REL: variants seen among roughly 807,000 people sequenced by gnomAD.
The protein encoded by REL is REL proto-oncogene, NF-kB subunit.
Under a neutral mutation model 45.9 loss-of-function variants are expected in REL, and 15 were observed. The ratio of observed to expected loss-of-function variants is 0.33; its 90% CI spans 0.22 to 0.50. The LOEUF (loss-of-function observed/expected upper bound fraction) is 0.50, where lower values mean the gene tolerates loss of function less well. Ranked by LOEUF, REL falls within the 20% of genes least tolerant of loss-of-function variation. REL has a pLI of 0.98. For synonymous variants in REL, 239 were observed against 242.1 expected, an observed-to-expected ratio of 0.99 and a Z score of 0.12; for missense variants, 601 against 715.2, an observed-to-expected ratio of 0.84 and a Z score of 1.82.
intron 9 of REL, among the ~76,000 whole-genome samples, chr2:60,921,173 T>G (rs1413861529): frequency 6.6e-6 from 1 of 152,132 alleles, no homozygotes; most frequent in African/African-American, 2.4e-5. Flanking sequence ...TTCCCCCACG[T>G]ACATTCTTAA....
chr2:60,917,062 TG>T (rs897045519), intron 5 of REL, 45 bp downstream of exon 5: 1 of 1,501,258 alleles, frequency 6.7e-7, no homozygotes, highest in African/African-American at 1.4e-5. Flanking sequence ...ACTTGTTTTT[TG>T]TAATAGTTTA....
At chr2:60,911,994 CAAAAAAAAAAA>C (rs763342298) in intron 4 of REL, among the ~76,000 whole-genome samples, 7 of 37,320 alleles carry the variant, frequency 1.9e-4, no homozygotes, top group African/African-American at 3.4e-4. Flanking sequence ...AAGACTGTCT[CAAAAAAAAAAA>C]AAAAAAAAAA....
At chr2:60,895,999 T>G (rs533675479) in intron 3 of REL, among the ~76,000 whole-genome samples, 9 of 151,924 alleles carry the variant, frequency 5.9e-5, no homozygotes, top group Non-Finnish European at 1.0e-4. Flanking sequence ...AGGTTTTCTG[T>G]TTTTTGTTTT....
chr2:60,885,886 T>A (rs899006443), intron 1 of REL, among the ~76,000 whole-genome samples: 1 of 152,234 alleles, frequency 6.6e-6, no homozygotes, highest in African/African-American at 2.4e-5. Flanking sequence ...TTGTAAATTA[T>A]TTACTTTTTA....
rs1217881990 is a variant in REL, at chr2:60,916,900, A to G, written c.418A>G (p.Ile140Val). The G allele has an allele frequency of 6.2e-7, 1 of 1,613,134 alleles. No individual in the cohort carries two copies. The highest frequency in any genetic ancestry group is 2.2e-5 in the East Asian group (1 of 44,844). Residue 140 changes from isoleucine to valine, a missense_variant, in exon 5 of 10, where the codon ATT (isoleucine) becomes GTT (valine). Ile to Val is a conservative substitution (Grantham distance 29). This residue lies in a region of REL where 241 missense variants were observed against 347.0 expected (regional missense o/e 0.69). Coordinates refer to ENST00000394479, the MANE Select transcript of REL (RefSeq NM_001291746.2). Reference sequence around the variant, plus strand: ...AGTCCCTGAAAAACAGCTGAATGATATTGAAGATTGTGACCTCAATGTGGT... The same window carrying G: ...AGTCCCTGAAAAACAGCTGAATGATGTTGAAGATTGTGACCTCAATGTGGT... ...FNVPEKQLND[I>V]EDCDLNVVRL...
chr2:60,927,942 G>A lies in REL; in HGVS notation c.*5407G>A, dbSNP rs917953934. ...AATAACTGGGCTTCTCACAACCATA[G>A]TGAACAGAAACAGCTGGGTTGTCAA... On this transcript the variant is annotated 3_prime_UTR_variant, in exon 10 of 10. Transcript: ENST00000394479. 4.6e-6 allele frequency: 1 copy of A among 217,704 alleles called. No individual in the cohort carries two copies. Among genetic ancestry groups the A allele is most frequent in the Non-Finnish European group, 9.2e-6 (1 of 108,370 alleles). The allele number at this position is 217,704 out of a possible 1,614,324, so 13.5% of individuals were successfully genotyped here. A position where few individuals can be genotyped will look rare whatever the true frequency, so the allele number is the denominator to read the frequency against.
chr2:60,922,463 G>A lies in REL; in HGVS notation c.1692G>A (p.Gln564=), dbSNP rs1456636330. ...GTCATGGTTTTGTTCAAGATAGTCA[G>A]TATTCAGGTATTGGCAGTATGCAAA... ...PNSHGFVQDS[Q]YSGIGSMQNE... The change falls in exon 10 of 10, where the codon CAG becomes CAA. Residue 564 remains glutamine (Q), a synonymous_variant. Transcript: ENST00000394479. 2 of 1,613,736 alleles carry A rather than the reference G, an allele frequency of 1.2e-6. No individual in the cohort carries two copies. The highest frequency in any genetic ancestry group is 1.7e-6 in the Non-Finnish European group (2 of 1,179,954).
chr2:60,927,682 A>G lies in REL; in HGVS notation c.*5147A>G, dbSNP rs1470477252. On this transcript the variant is annotated 3_prime_UTR_variant, in exon 10 of 10. Coordinates refer to ENST00000394479, the MANE Select transcript of REL (RefSeq NM_001291746.2). The stretch of plus-strand genomic sequence containing the variant: ...GAAATTATACAGAGGTGAATAAGAC[A>G]AAAACTCTTGCTCTCAAAGATGTCA... The G allele has an allele frequency of 4.4e-6, 1 of 229,640 alleles. No individual in the cohort carries two copies. The highest frequency in any genetic ancestry group is 8.6e-6 in the Non-Finnish European group (1 of 115,840). The allele number at this position is 229,640 out of a possible 1,614,324, so 14.2% of individuals were successfully genotyped here. A position where few individuals can be genotyped will look rare whatever the true frequency, so the allele number is the denominator to read the frequency against.
At chr2:60,900,892 C>T (rs1673475981) in intron 3 of REL, 100 bp from the exon 4 acceptor site, 7 of 991,084 alleles carry the variant, frequency 7.1e-6, no homozygotes, top group Non-Finnish European at 1.1e-5. Flanking sequence ...TTGGTATGTA[C>T]AACTGACAGC....
chr2:60,905,971 T>G (rs760586658), intron 4 of REL, among the ~76,000 whole-genome samples: 51 of 152,094 alleles, frequency 3.4e-4, no homozygotes, highest in Admixed American at 5.9e-4. Context: ...CCTGAGACTG[T>G]GAAGAAAAAG....
At chr2:60,881,970 C>T (rs1672951378) in intron 1 of REL, 120 bp downstream of exon 1, 3 of 631,402 alleles carry the variant, frequency 4.8e-6, no homozygotes, top group Admixed American at 8.2e-5. Flanking sequence ...TTTAAAATCT[C>T]ATATGGTAAA....
At chr2:60,917,936 G>A (rs1156962981) in intron 5 of REL, among the ~76,000 whole-genome samples, 1 of 152,066 alleles carries the variant, frequency 6.6e-6, no homozygotes, top group Non-Finnish European at 1.5e-5. Flanking sequence ...GGATTGATTG[G>A]CGGAATCAGA....
At chr2:60,883,193 C>G (rs1672990699) in intron 1 of REL, among the ~76,000 whole-genome samples, 2 of 152,170 alleles carry the variant, frequency 1.3e-5, no homozygotes, top group Non-Finnish European at 2.9e-5. Context: ...CTCTTATCCC[C>G]AAACTGCCTG....
rs1473508127 is a variant in REL, at chr2:60,923,026, AGAGT to A, written c.*495_*498del. 14 of 163,858 alleles carry A rather than the reference AGAGT, an allele frequency of 8.5e-5. No homozygotes were observed. The South Asian group carries it at 2.7e-3, about 31-fold the overall frequency. 10.2% of individuals were successfully genotyped at this position (163,858 alleles called of 1,614,324 possible). ...ACCACCGCACTCCAGCCTGGGTGAC[AGAGT>A]GAGACTCTGTCTCAAAAAAAAAAAA... On this transcript the variant is annotated 3_prime_UTR_variant, in exon 10 of 10. Coordinates refer to ENST00000394479, the MANE Select transcript of REL (RefSeq NM_001291746.2).
chr2:60,913,933 G>C (rs2103972606), intron 4 of REL, among the ~76,000 whole-genome samples: 1 of 152,158 alleles, frequency 6.6e-6, no homozygotes, highest in Admixed American at 6.5e-5. Context: ...CTAAATGTTT[G>C]GTTGTTCAAT....
chr2:60,902,619 A>C (rs1361034710), intron 4 of REL, among the ~76,000 whole-genome samples: 1 of 125,214 alleles, frequency 8.0e-6, no homozygotes, highest in African/African-American at 3.1e-5. Context: ...TTTTTGAGGT[A>C]GTCTTGCTCT....
intron 3 of REL, among the ~76,000 whole-genome samples, chr2:60,898,159 G>A (rs1673402919): frequency 6.6e-6 from 1 of 152,148 alleles, no homozygotes; most frequent in Non-Finnish European, 1.5e-5. Context: ...CTCCTGACTG[G>A]TCTTGCATTA....
chr2:60,888,192 G>C (rs1673115863), intron 1 of REL, among the ~76,000 whole-genome samples: 1 of 152,088 alleles, frequency 6.6e-6, no homozygotes, highest in South Asian at 2.1e-4. Context: ...GCCTCCCAAA[G>C]TGCTGGGATT....
intron 4 of REL, among the ~76,000 whole-genome samples, chr2:60,904,605 A>G (rs1673592028): frequency 1.3e-5 from 2 of 151,438 alleles, no homozygotes; most frequent in Non-Finnish European, 1.5e-5. Context: ...AAAATCAAGT[A>G]GGCCAGGCAC....
Sources: allele counts gnomAD v4.1 joint callset (sites outside exome capture counted in the v4.1 genomes callset), GRCh38; gene constraint gnomAD v4.1.1; regional missense constraint gnomAD v4.1.1; transcripts MANE v1.5; gene names NCBI Gene and HGNC (gene_info 2026-07-23, HGNC 2026-07-21).